Variants in PCDHAC2 observed in about 807,000 individuals in gnomAD.
The protein encoded by PCDHAC2 is protocadherin alpha subfamily C, 2, also known as protocadherin alpha-C2.
A neutral mutation model predicts 63.3 loss-of-function variants in PCDHAC2; 24 were observed. That is an observed-to-expected ratio of 0.38 (90% CI 0.27 to 0.53). The LOEUF is 0.53. Among genes scored for constraint, PCDHAC2 ranks in the 20% least tolerant of loss-of-function variants. PCDHAC2 has a pLI of 0.81. For synonymous variants in PCDHAC2, 569 were observed against 529.4 expected, an observed-to-expected ratio of 1.07 and a Z score of -1.03; for missense variants, 1,181 against 1,275.2, an observed-to-expected ratio of 0.93 and a Z score of 1.12.
chr5:140,994,249 G>A (rs17119346), intron 3 of PCDHAC2, among the ~76,000 whole-genome samples: 45,238 of 152,008 alleles, frequency 0.3, 6,962 homozygotes, highest in East Asian at 0.43. Flanking sequence ...CAAACCCTAG[G>A]TAAATAAGGT....
intron 3 of PCDHAC2, among the ~76,000 whole-genome samples, chr5:140,996,730 A>G (rs1271920339): frequency 2.6e-5 from 4 of 152,228 alleles, no homozygotes; most frequent in African/African-American, 9.6e-5. Context: ...AGAAGAAACA[A>G]AAGTCATAAC....
chr5:140,973,105 G>C (rs1166565820), intron 1 of PCDHAC2, among the ~76,000 whole-genome samples: 1 of 152,180 alleles, frequency 6.6e-6, no homozygotes, highest in Non-Finnish European at 1.5e-5. Flanking sequence ...AATTATGAAA[G>C]AGTAGCAGAG....
In PCDHAC2 at chr5:140,969,314, G is replaced by A. The variant is rs200006206; in HGVS notation, c.2548G>A (p.Ala850Thr). The A allele has an allele frequency of 1.2e-6, 2 of 1,614,032 alleles. No homozygotes were observed. The highest frequency in any genetic ancestry group is 1.7e-6 in the Non-Finnish European group (2 of 1,180,034). The stretch of plus-strand genomic sequence containing the variant: ...GAACCTGATTATTCTCAAAAATGAG[G>A]CTGTTTCTCAAAATGAGGTGAGACA... ...AGNLIILKNE[A>T]VSQNEPRQPN... The change falls in exon 1 of 4, where the codon GCT becomes ACT. Residue 850 changes from alanine to threonine, a missense_variant. Physicochemically the swap from Ala to Thr is moderately conservative, Grantham distance 58 (BLOSUM62 0). This residue lies in a region of PCDHAC2 where 968 missense variants were observed against 1,073.5 expected (regional missense o/e 0.90). Coordinates refer to ENST00000289269, the MANE Select transcript of PCDHAC2 (RefSeq NM_018899.6).
Position 141,009,950 on chromosome 5 carries a change from G to C in PCDHAC2, c.*13G>C, listed in dbSNP as rs782235440. On this transcript the variant is annotated 3_prime_UTR_variant, in exon 4 of 4. Coordinates refer to ENST00000289269, the MANE Select transcript of PCDHAC2 (RefSeq NM_018899.6). ...CAGTGACCAGTGAGGTCCTCAAATGGAAACAAGCCACTTAGCCAGTTTTTG... is the reference window on the plus strand; with the variant it reads ...CAGTGACCAGTGAGGTCCTCAAATGCAAACAAGCCACTTAGCCAGTTTTTG... 12 of 1,593,098 alleles carry C rather than the reference G, an allele frequency of 7.5e-6. No individual in the cohort carries two copies. In the East Asian group the frequency reaches 2.5e-4, roughly 33 times the overall value.
chr5:140,986,776 C>G (rs916981139), intron 3 of PCDHAC2, among the ~76,000 whole-genome samples: 5 of 152,098 alleles, frequency 3.3e-5, no homozygotes, highest in Non-Finnish European at 7.3e-5. Context: ...AATTAGGTAG[C>G]GGAAGCCACT....
chr5:140,985,643 A>G (rs564908892), intron 3 of PCDHAC2, among the ~76,000 whole-genome samples: 1 of 151,200 alleles, frequency 6.6e-6, no homozygotes, highest in Non-Finnish European at 1.5e-5. Context: ...TCATCCCAAC[A>G]CTTGCAATGG....
At chr5:140,969,588 T>A in intron 1 of PCDHAC2, 1 of 849,870 alleles carries the variant, frequency 1.2e-6, no homozygotes, top group Non-Finnish European at 1.8e-6. Context: ...GGATTAGTCT[T>A]AATATTTAAT....
chr5:140,982,288 T>G, intron 2 of PCDHAC2, 187 bp from the exon 3 acceptor site: 1 of 1,088,080 alleles, frequency 9.2e-7, no homozygotes, highest in Admixed American at 2.9e-5. Context: ...AGGCAATAAG[T>G]AAGTCAGCAA....
chr5:141,010,374 C>A lies in PCDHAC2; in HGVS notation c.*437C>A. 2 of 1,459,768 alleles carry A rather than the reference C, an allele frequency of 1.4e-6. No homozygotes were observed. Among genetic ancestry groups the A allele is most frequent in the South Asian group, 1.4e-5 (1 of 73,044 alleles). 90.4% of individuals were successfully genotyped at this position (1,459,768 alleles called of 1,614,324 possible). On this transcript the variant is annotated 3_prime_UTR_variant, in exon 4 of 4. Coordinates refer to ENST00000289269, the MANE Select transcript of PCDHAC2 (RefSeq NM_018899.6). ...TGTGGCTACCGCGGGTATGCGAGTG[C>A]CAGATATTGGCTGAGACGAGCCAGC...
Position 140,966,893 on chromosome 5 carries a change from C to CA in PCDHAC2, c.128dup (p.Leu44AlafsTer25), listed in dbSNP as rs1554228863. The CA allele has an allele frequency of 1.9e-6, 3 of 1,595,686 alleles. No homozygotes were observed. The highest frequency in any genetic ancestry group is 1.3e-5 in the African/African-American group (1 of 74,594). ...GCTGCTACCTGGCCCTGCGGCCTCC[C>CA]AGCTGCGATACTCTGTGCCAGAGGA... is the stretch of plus-strand genomic sequence containing the variant. On this transcript the variant is annotated frameshift_variant, in exon 1 of 4. Coordinates refer to ENST00000289269, the MANE Select transcript of PCDHAC2 (RefSeq NM_018899.6). LOFTEE classifies it high-confidence loss of function.
rs1554229126 is a variant in PCDHAC2 at position 140,967,062 on chromosome 5, T to C, written c.296T>C (p.Leu99Pro). 3 of 1,612,916 alleles carry C rather than the reference T, an allele frequency of 1.9e-6. No individual in the cohort carries two copies. In the Admixed American group the frequency reaches 5.0e-5, roughly 27 times the overall value. ...YLELDLTSGA[L>P]FVNERIDREA... ...GAGCTGGACCTGACGAGTGGAGCGC[T>C]CTTCGTCAACGAGCGCATTGATCGG... The change falls in exon 1 of 4, where the codon CTC (leucine) becomes CCC (proline). Residue 99 changes from leucine to proline, a missense_variant. By Grantham distance (98) the Leu-to-Pro change is moderately conservative. This residue lies in a region of PCDHAC2 where 210 missense variants were observed against 184.9 expected (regional missense o/e 1.14). Transcript: ENST00000289269.
At chr5:140,990,512 CTT>C (rs1323641272) in intron 3 of PCDHAC2, among the ~76,000 whole-genome samples, 1 of 152,202 alleles carries the variant, frequency 6.6e-6, no homozygotes, top group African/African-American at 2.4e-5. Context: ...AGTCTTCTCT[CTT>C]GTCTTTTTTG....
rs111528394 is a variant in PCDHAC2 at position 140,995,338 on chromosome 5, C to T, written c.2713+12775C>T. Among the ~76,000 whole-genome samples the T allele has an allele frequency of 2.7e-4, 41 of 151,956 alleles. 1 individual carries two copies. Among genetic ancestry groups the T allele is most frequent in the Admixed American group, 6.6e-4 (10 of 15,254 alleles). On this transcript the variant is annotated intron_variant, in intron 3 of 3. Coordinates refer to ENST00000289269, the MANE Select transcript of PCDHAC2 (RefSeq NM_018899.6). The stretch of plus-strand genomic sequence containing the variant: ...TGAACTAACAGGTGAGTAGTGTAGA[C>T]GGCATGGATAGGTCGGACAGAGGGA...
chr5:140,989,235 T>G (rs1408596966), intron 3 of PCDHAC2, among the ~76,000 whole-genome samples: 1 of 152,204 alleles, frequency 6.6e-6, no homozygotes, highest in Non-Finnish European at 1.5e-5. Context: ...AGCTGAAGTT[T>G]TAAGCCCCTT....
chr5:140,997,577 T>G (rs2097775398), intron 3 of PCDHAC2, among the ~76,000 whole-genome samples: 1 of 152,186 alleles, frequency 6.6e-6, no homozygotes, highest in Admixed American at 6.5e-5. Flanking sequence ...GTGTGGTCCG[T>G]TGTTGACTGA....
Position 140,967,354 on chromosome 5 carries a change from C to T in PCDHAC2, c.588C>T (p.Asp196=). The change falls in exon 1 of 4, where the codon GAC becomes GAT. Residue 196 remains aspartate, a synonymous_variant. Coordinates refer to ENST00000289269, the MANE Select transcript of PCDHAC2 (RefSeq NM_018899.6). ...ELSPSEHFEL[D]LKPLQENSKV... is the part of the protein sequence containing the mutation. Reference sequence around the variant, plus strand: ...GCCCCAGCGAGCACTTCGAGCTGGACCTTAAGCCCCTGCAGGAGAACAGTA... The same window carrying T: ...GCCCCAGCGAGCACTTCGAGCTGGATCTTAAGCCCCTGCAGGAGAACAGTA... 1 of 1,607,952 alleles carries T rather than the reference C, an allele frequency of 6.2e-7. No individual in the cohort carries two copies. Among genetic ancestry groups the T allele is most frequent in the South Asian group, 1.1e-5 (1 of 90,804 alleles).
At chr5:140,976,787 C>T (rs1460336492) in intron 1 of PCDHAC2, among the ~76,000 whole-genome samples, 3 of 152,150 alleles carry the variant, frequency 2.0e-5, no homozygotes, top group Admixed American at 6.5e-5. Flanking sequence ...TATATAGCTA[C>T]GCTTTTATGA....
At chr5:140,991,298 ATTATC>A (rs1361844877) in intron 3 of PCDHAC2, among the ~76,000 whole-genome samples, 1 of 152,170 alleles carries the variant, frequency 6.6e-6, no homozygotes, top group African/African-American at 2.4e-5. Flanking sequence ...ACACATTACT[ATTATC>A]TTGTCCCGCA....
intron 3 of PCDHAC2, among the ~76,000 whole-genome samples, chr5:140,989,348 G>A (rs1455202093): frequency 6.6e-6 from 1 of 152,196 alleles, no homozygotes; most frequent in African/African-American, 2.4e-5. Context: ...GCTCAAAGGT[G>A]ATAGGTCACC....
Sources: gnomAD v4.1 joint callset for allele counts (sites outside exome capture counted in the v4.1 genomes callset) on GRCh38, gnomAD v4.1.1 for gene constraint, gnomAD v4.1.1 regional missense constraint, MANE v1.5 for transcripts, NCBI Gene and HGNC (gene_info 2026-07-23, HGNC 2026-07-21) for gene names.